ADAMTSL1: variants seen among roughly 807,000 people sequenced by gnomAD.
ADAMTSL1 encodes ADAMTS like 1.
A neutral mutation model predicts 201.8 loss-of-function variants in ADAMTSL1; 126 were observed. The ratio of observed to expected loss-of-function variants is 0.62; its 90% CI spans 0.54 to 0.72. ADAMTSL1 has a LOEUF of 0.72. ADAMTSL1 is among the 30% of genes least tolerant of loss of function. The pLI is 0.00. For synonymous variants in ADAMTSL1, 1,121 were observed against 903.4 expected (o/e 1.24, Z -4.32); for missense variants, 2,679 against 2,277.8 (o/e 1.18, Z -3.59).
At chr9:18,339,813 C>T (rs1320533453) in intron 2 of ADAMTSL1, among the ~76,000 whole-genome samples, 1 of 152,090 alleles carries the variant, frequency 6.6e-6, no homozygotes, top group Non-Finnish European at 1.5e-5. Flanking sequence ...TAAATGTCTT[C>T]AAGATTGTCT....
At chr9:18,186,860 C>CAT (rs1387802781) in intron 2 of ADAMTSL1, among the ~76,000 whole-genome samples, 1 of 150,370 alleles carries the variant, frequency 6.7e-6, no homozygotes, top group Non-Finnish European at 1.5e-5. Context: ...CACACACACA[C>CAT]ATGCACAAAC....
intron 23 of ADAMTSL1, among the ~76,000 whole-genome samples, chr9:18,878,983 C>T (rs538785233): frequency 7.0e-4 from 106 of 152,228 alleles, no homozygotes; most frequent in African/African-American, 2.5e-3. Flanking sequence ...CAAACTAGGA[C>T]CAACTACTGA....
intron 1 of ADAMTSL1, among the ~76,000 whole-genome samples, chr9:18,038,018 A>T (rs1213757479): frequency 6.6e-6 from 1 of 152,288 alleles, no homozygotes; most frequent in South Asian, 2.1e-4. Flanking sequence ...AGTGATCGTG[A>T]TGATACGAGA....
At chr9:18,280,094 T>G (rs1013482032) in intron 2 of ADAMTSL1, among the ~76,000 whole-genome samples, 2 of 152,074 alleles carry the variant, frequency 1.3e-5, no homozygotes, top group Non-Finnish European at 2.9e-5. Flanking sequence ...CGTGAGGGTA[T>G]TGGAGCCAGT....
chr9:18,530,442 C>T (rs955369561), intron 2 of ADAMTSL1, among the ~76,000 whole-genome samples: 6 of 152,082 alleles, frequency 3.9e-5, no homozygotes, highest in African/African-American at 9.7e-5. Context: ...GAATCTCCTC[C>T]GTTTTAATAC....
intron 10 of ADAMTSL1, among the ~76,000 whole-genome samples, chr9:18,679,852 T>C (rs1433272427): frequency 2.6e-5 from 4 of 152,202 alleles, no homozygotes; most frequent in Non-Finnish European, 5.9e-5. Context: ...ACCTAGAAGT[T>C]AAGTAATAAA....
intron 4 of ADAMTSL1, among the ~76,000 whole-genome samples, chr9:18,603,393 ATGCTATGCTATGCTATG>A (rs1564082582): frequency 1.2e-4 from 16 of 130,270 alleles, no homozygotes; most frequent in African/African-American, 6.0e-4. Flanking sequence ...ATGCTATGCT[ATGCTATGCTATGCTATG>A]CTATGCTATA....
chr9:18,003,315 A>G lies in ADAMTSL1; in HGVS notation c.87+96393A>G, dbSNP rs560304325. Among the ~76,000 whole-genome samples the G allele has an allele frequency of 6.0e-4, 92 of 152,088 alleles. 2 individuals carry two copies. The South Asian group carries it at 0.018, about 30-fold the overall frequency. ...AGTAAACAAAAATCTGATTCACCCA[A>G]GGGTTGTTCTACAAGTACCTGCTGA... On this transcript the variant is annotated intron_variant, in intron 1 of 29. Coordinates refer to the ADAMTSL1 transcript ENST00000680146.
chr9:18,181,996 G>C (rs959577599), intron 2 of ADAMTSL1, among the ~76,000 whole-genome samples: 155 of 152,208 alleles, frequency 1.0e-3, no homozygotes, highest in Non-Finnish European at 1.9e-3. Context: ...TAGGGACATG[G>C]ATGAAATTGG....
At chr9:18,129,498 C>T (rs1178329450) in intron 1 of ADAMTSL1, among the ~76,000 whole-genome samples, 11 of 152,114 alleles carry the variant, frequency 7.2e-5, no homozygotes, top group Admixed American at 7.2e-4. Flanking sequence ...TTAGTTCTTT[C>T]CTAATTATCT....
Position 18,488,081 on chromosome 9 carries a change from T to C in ADAMTSL1, c.63+13786T>C, listed in dbSNP as rs528922857. On this transcript the variant is annotated intron_variant, in intron 1 of 28. Coordinates refer to ENST00000380548, the MANE Select transcript of ADAMTSL1 (RefSeq NM_001040272.6). ...ATCAGTCTTTCCAATATCTAACGAA[T>C]AGAAGCAAAGCTAGGCTTAAGATTC... 9.0e-4 allele frequency among the ~76,000 whole-genome samples: 137 copies of C among 152,328 alleles called. 1 individual carries two copies. Among genetic ancestry groups the C allele is most frequent in the South Asian group, 8.1e-3 (39 of 4,830 alleles).
At chr9:18,700,416 G>T (rs1831853713) in intron 13 of ADAMTSL1, among the ~76,000 whole-genome samples, 1 of 152,124 alleles carries the variant, frequency 6.6e-6, no homozygotes, top group African/African-American at 2.4e-5. Flanking sequence ...GAAATACAAA[G>T]AAGGTGTTTC....
At chr9:18,823,396 G>C (rs1824331354) in intron 21 of ADAMTSL1, among the ~76,000 whole-genome samples, 1 of 152,110 alleles carries the variant, frequency 6.6e-6, no homozygotes, top group Non-Finnish European at 1.5e-5. Flanking sequence ...ATCCAGTCCT[G>C]TCCTCTCAAA....
intron 1 of ADAMTSL1, among the ~76,000 whole-genome samples, chr9:17,940,322 G>C (rs1827186882): frequency 6.6e-6 from 1 of 152,108 alleles, no homozygotes; most frequent in South Asian, 2.1e-4. Flanking sequence ...AGATCCAGGA[G>C]AGAGATAATG....
At chr9:18,621,540 A>G (rs1826030414) in intron 4 of ADAMTSL1, among the ~76,000 whole-genome samples, 1 of 148,618 alleles carries the variant, frequency 6.7e-6, no homozygotes. Flanking sequence ...GCTGCCCTTC[A>G]TGCAACCGTC....
chr9:18,376,150 T>C (rs1837287582), intron 2 of ADAMTSL1, among the ~76,000 whole-genome samples: 1 of 152,234 alleles, frequency 6.6e-6, no homozygotes, highest in Non-Finnish European at 1.5e-5. Context: ...CAGTAAATAA[T>C]ACATTCCTTT....
At chr9:18,281,546 G>A (rs55655032) in intron 2 of ADAMTSL1, among the ~76,000 whole-genome samples, 5,746 of 152,246 alleles carry the variant, frequency 0.038, 372 homozygotes, top group African/African-American at 0.13. Flanking sequence ...GGCCCTTCGC[G>A]ACTGGGCTCA....
rs772445144 is a variant in ADAMTSL1, at chr9:18,905,800, G to A, written c.4870G>A (p.Gly1624Arg). The change falls in exon 27 of 29, where the codon GGG (glycine) becomes AGG (arginine). Residue 1624 changes from glycine to arginine, a missense_variant. By Grantham distance (125) the Gly-to-Arg change is moderately radical. Transcript: ENST00000380548. The stretch of plus-strand genomic sequence containing the variant: ...TTTCCAGTGCAATGGGCCTTGCATC[G>A]GGCCTCACCTAGCTGTGCAACACAG... ...SWGQCNGPCI[G>R]PHLAVQHRQV... 9.9e-6 allele frequency: 16 copies of A among 1,613,034 alleles called. No homozygotes were observed. The highest frequency in any genetic ancestry group is 4.5e-5 in the East Asian group (2 of 44,876).
intron 1 of ADAMTSL1, among the ~76,000 whole-genome samples, chr9:18,065,716 C>G (rs181617119): frequency 6.6e-6 from 1 of 152,276 alleles, no homozygotes; most frequent in African/African-American, 2.4e-5. Flanking sequence ...CGCGGTGGCT[C>G]ACGCCTGTAA....
Sources: gnomAD v4.1 joint callset for allele counts (sites outside exome capture counted in the v4.1 genomes callset) on GRCh38, gnomAD v4.1.1 for gene constraint, MANE v1.5 for transcripts, NCBI Gene and HGNC (gene_info 2026-07-23, HGNC 2026-07-21) for gene names.